Variants in PTTG1IP observed in about 807,000 individuals in gnomAD.
PTTG1IP encodes PTTG1 interacting protein, also known as pituitary tumor-transforming gene 1 protein-interacting protein.
PTTG1IP carries 16 observed loss-of-function variants against 24.4 expected under a neutral mutation model. The observed-to-expected ratio is 0.66, with a 90% confidence interval of 0.44 to 1.00. The LOEUF is 1.00. Among genes scored for constraint, PTTG1IP ranks in the 50% least tolerant of loss-of-function variants. The probability of loss-of-function intolerance (pLI) is 0.00; values close to 1 mark genes in which losing one functional copy is unlikely to be tolerated. For synonymous variants in PTTG1IP, 89 were observed against 96.8 expected (o/e 0.92, Z 0.47); for missense variants, 241 against 245.8 (o/e 0.98, Z 0.13).
In PTTG1IP at chr21:44,861,838, G is replaced by A. The variant is rs1011740639; in HGVS notation, c.169-567C>T. On this transcript the variant is annotated intron_variant, in intron 2 of 5. Coordinates refer to ENST00000330938, the MANE Select transcript of PTTG1IP (RefSeq NM_004339.4). ...CAGGACACAGCCTGGCCCATCACAG[G>A]CACTCACTGAGTTTGTGTTGAATGG... is the stretch of plus-strand genomic sequence containing the variant. 7 of 717,328 alleles carry A rather than the reference G, an allele frequency of 9.8e-6. No individual in the cohort carries two copies. The Admixed American group carries it at 1.4e-4, about 14-fold the overall frequency. 44.4% of individuals were successfully genotyped at this position (717,328 alleles called of 1,614,324 possible). A position where few individuals can be genotyped will look rare whatever the true frequency, so the allele number is the denominator to read the frequency against.
In PTTG1IP at chr21:44,870,134, C is replaced by T. The variant is rs183965910; in HGVS notation, c.115+3368G>A. Among the ~76,000 whole-genome samples, 7 of 152,224 alleles carry T rather than the reference C, an allele frequency of 4.6e-5. No homozygotes were observed. In the East Asian group the frequency reaches 7.7e-4, roughly 17 times the overall value. On this transcript the variant is annotated intron_variant, in intron 1 of 5. Coordinates refer to ENST00000330938, the MANE Select transcript of PTTG1IP (RefSeq NM_004339.4). Reference sequence around the variant, plus strand: ...TGCTCCCAGCAGGCCAAGAACAGAGCGGGCTTTCAATAAGGGGGAAAACAC... The same window carrying T: ...TGCTCCCAGCAGGCCAAGAACAGAGTGGGCTTTCAATAAGGGGGAAAACAC...
chr21:44,862,318 G>A (rs143877206), intron 2 of PTTG1IP, among the ~76,000 whole-genome samples: 10 of 152,314 alleles, frequency 6.6e-5, no homozygotes, highest in Middle Eastern at 3.4e-3. Flanking sequence ...TCAGAAGTTC[G>A]GGATCAGCCT....
chr21:44,868,136 G>A (rs1483836089), intron 1 of PTTG1IP, among the ~76,000 whole-genome samples: 1 of 152,210 alleles, frequency 6.6e-6, no homozygotes, highest in Non-Finnish European at 1.5e-5. Context: ...GACAACCAGT[G>A]AAAAGCCTTA....
In PTTG1IP at chr21:44,873,681, C is replaced by A; in HGVS notation, c.-65G>T. On this transcript the variant is annotated 5_prime_UTR_variant, in exon 1 of 6. Coordinates refer to ENST00000330938, the MANE Select transcript of PTTG1IP (RefSeq NM_004339.4). ...CTCCGACTCCAGCACAAGCGGTCTCCGCCCGGAACAGCCGCGGCGCCGGAA... is the reference window on the plus strand; with the variant it reads ...CTCCGACTCCAGCACAAGCGGTCTCAGCCCGGAACAGCCGCGGCGCCGGAA... 5.4e-6 allele frequency: 7 copies of A among 1,291,810 alleles called. No homozygotes were observed. The highest frequency in any genetic ancestry group is 6.9e-6 in the Non-Finnish European group (7 of 1,016,478). 80.0% of individuals were successfully genotyped at this position (1,291,810 alleles called of 1,614,324 possible).
At chr21:44,871,660 C>A (rs1296000746) in intron 1 of PTTG1IP, among the ~76,000 whole-genome samples, 2 of 152,194 alleles carry the variant, frequency 1.3e-5, no homozygotes, top group African/African-American at 4.8e-5. Flanking sequence ...GTAACCATGA[C>A]AAGCAGTAAA....
intron 2 of PTTG1IP, among the ~76,000 whole-genome samples, chr21:44,863,461 C>T (rs1472248998): frequency 1.3e-5 from 2 of 152,222 alleles, no homozygotes; most frequent in African/African-American, 4.8e-5. Context: ...TCTTCACCGC[C>T]CTGTCTGGGT....
At chr21:44,868,805 C>T (rs796534920) in intron 1 of PTTG1IP, among the ~76,000 whole-genome samples, 3 of 152,192 alleles carry the variant, frequency 2.0e-5, no homozygotes, top group South Asian at 2.1e-4. Context: ...GGTCTGCCCC[C>T]GAAGATGCCA....
At chr21:44,855,938 C>T (rs2083446418) in intron 4 of PTTG1IP, among the ~76,000 whole-genome samples, 1 of 152,224 alleles carries the variant, frequency 6.6e-6, no homozygotes, top group Non-Finnish European at 1.5e-5. Flanking sequence ...TCACCGCGCA[C>T]AGACTCAGCC....
intron 5 of PTTG1IP, among the ~76,000 whole-genome samples, chr21:44,854,432 A>G (rs555607892): frequency 6.6e-6 from 1 of 152,124 alleles, no homozygotes; most frequent in East Asian, 1.9e-4. Flanking sequence ...AGTTCCCACC[A>G]TGTCCATGAC....
At chr21:44,867,572 C>G (rs1389211842) in intron 1 of PTTG1IP, among the ~76,000 whole-genome samples, 1 of 152,206 alleles carries the variant, frequency 6.6e-6, no homozygotes, top group Non-Finnish European at 1.5e-5. Context: ...AAAAACAAGA[C>G]AACTGCTGAA....
At chr21:44,864,501 A>C (rs2083519734) in intron 2 of PTTG1IP, among the ~76,000 whole-genome samples, 2 of 152,210 alleles carry the variant, frequency 1.3e-5, no homozygotes, top group Admixed American at 6.5e-5. Context: ...GTTTCAAGAA[A>C]TTCTCCTGCC....
At chr21:44,867,541 A>C (rs624724) in intron 1 of PTTG1IP, among the ~76,000 whole-genome samples, 5 of 152,036 alleles carry the variant, frequency 3.3e-5, no homozygotes, top group Non-Finnish European at 5.9e-5. Context: ...TATTCCCGTA[A>C]GAAAAATGTA....
intron 1 of PTTG1IP, chr21:44,865,793 C>A (rs1377890472): frequency 8.0e-6 from 3 of 374,662 alleles, no homozygotes; most frequent in Non-Finnish European, 1.5e-5. Flanking sequence ...AATCACTAAC[C>A]ACAAACCTGC....
At position 44,851,443 on chromosome 21, in the gene PTTG1IP, C is replaced by T. The variant is rs779151691; in HGVS notation, c.*138G>A. The T allele has an allele frequency of 6.2e-7, 1 of 1,604,282 alleles. No homozygotes were observed. On this transcript the variant is annotated 3_prime_UTR_variant, in exon 6 of 6. Transcript: ENST00000330938. ...AGGACTGTCCTTCAGGGGCAGCTCT[C>T]CGGCCGCCTGTCCTGGAAGGCTGGC...
At position 44,871,170 on chromosome 21, in the gene PTTG1IP, G is replaced by C. The variant is rs370387387; in HGVS notation, c.115+2332C>G. On this transcript the variant is annotated intron_variant, in intron 1 of 5. Transcript: ENST00000330938. Reference sequence around the variant, plus strand: ...TTTCAAAAGAAAGAGTTGAAGACTAGGAGTATGTATCAACACTGTGAACCC... The same window carrying C: ...TTTCAAAAGAAAGAGTTGAAGACTACGAGTATGTATCAACACTGTGAACCC... Among the ~76,000 whole-genome samples the C allele has an allele frequency of 4.6e-5, 7 of 152,354 alleles. No individual in the cohort carries two copies. In the South Asian group the frequency reaches 1.4e-3, roughly 32 times the overall value.
intron 3 of PTTG1IP, among the ~76,000 whole-genome samples, 175 bp from the exon 4 acceptor site, chr21:44,856,539 C>A (rs1343283064): frequency 6.6e-6 from 1 of 152,210 alleles, no homozygotes; most frequent in Non-Finnish European, 1.5e-5. Flanking sequence ...CTGCCTCCAC[C>A]CCACAGGGTC....
intron 3 of PTTG1IP, among the ~76,000 whole-genome samples, chr21:44,859,951 T>C (rs2083477803): frequency 6.6e-6 from 1 of 152,216 alleles, no homozygotes. Context: ...AAGAAAATAT[T>C]GCTTCTTTAC....
intron 1 of PTTG1IP, 67 bp downstream of exon 1, chr21:44,873,435 C>A (rs2083606951): frequency 1.6e-6 from 2 of 1,238,160 alleles, no homozygotes; most frequent in South Asian, 2.9e-5. Flanking sequence ...ACCCCGACCC[C>A]GACCCCGACC....
chr21:44,870,332 G>A (rs2083574063), intron 1 of PTTG1IP, among the ~76,000 whole-genome samples: 1 of 152,118 alleles, frequency 6.6e-6, no homozygotes, highest in African/African-American at 2.4e-5. Flanking sequence ...CCTGAGGTCA[G>A]GAGTTCGAGA....
Sources: allele counts gnomAD v4.1 joint callset (sites outside exome capture counted in the v4.1 genomes callset), GRCh38; gene constraint gnomAD v4.1.1; transcripts MANE v1.5; gene names NCBI Gene and HGNC (gene_info 2026-07-23, HGNC 2026-07-21).